Variants in SLC39A11 observed in about 807,000 individuals in gnomAD.
SLC39A11 encodes the protein zinc transporter ZIP11.
Under a neutral mutation model 36.1 loss-of-function variants are expected in SLC39A11, and 33 were observed. The observed-to-expected ratio is 0.91, with a 90% CI of 0.69 to 1.22. The LOEUF is 1.22. SLC39A11 is among the 50% of genes most tolerant of loss of function. The probability of loss-of-function intolerance (pLI) is 0.00; values close to 1 mark genes in which losing one functional copy is unlikely to be tolerated. For synonymous variants in SLC39A11, 166 were observed against 170.3 expected (o/e 0.97, Z 0.20); for missense variants, 432 against 430.3 (o/e 1.00, Z -0.03).
intron 6 of SLC39A11, among the ~76,000 whole-genome samples, chr17:72,843,123 T>A (rs2078893267): frequency 6.6e-6 from 1 of 152,072 alleles, no homozygotes; most frequent in African/African-American, 2.4e-5. Flanking sequence ...CTAATTTTTA[T>A]ATTTTTAGTA....
chr17:73,001,793 A>T (rs117627862), intron 4 of SLC39A11, among the ~76,000 whole-genome samples: 2,556 of 152,276 alleles, frequency 0.017, 31 homozygotes, highest in Non-Finnish European at 0.025. Flanking sequence ...ACAAGACCAG[A>T]CATACTACTC....
intron 7 of SLC39A11, among the ~76,000 whole-genome samples, chr17:72,699,004 T>A (rs1341544088): frequency 3.3e-5 from 5 of 151,924 alleles, no homozygotes; most frequent in African/African-American, 7.2e-5. Context: ...ATAATTTTTG[T>A]ATTTTTAGTA....
chr17:72,728,044 C>T (rs993169406), intron 7 of SLC39A11, among the ~76,000 whole-genome samples: 1 of 152,178 alleles, frequency 6.6e-6, no homozygotes, highest in African/African-American at 2.4e-5. Context: ...ACAGACAGGG[C>T]ACAAGCAAGA....
chr17:72,829,751 C>CATGGCACTCACACCCCTACCCAGTTA (rs2078193310), intron 6 of SLC39A11, among the ~76,000 whole-genome samples: 1 of 152,140 alleles, frequency 6.6e-6, no homozygotes. Flanking sequence ...CATGGGCCCC[C>CATGGCACTCACACCCCTACCCAGTTA]ATGGCACTCA....
At chr17:73,048,688 C>A (rs1568187174) in intron 3 of SLC39A11, among the ~76,000 whole-genome samples, 1 of 152,192 alleles carries the variant, frequency 6.6e-6, no homozygotes, top group East Asian at 1.9e-4. Context: ...TGAGGTGGAG[C>A]TTATCTCCTA....
At chr17:72,941,273 G>A (rs1242275509) in intron 5 of SLC39A11, among the ~76,000 whole-genome samples, 3 of 152,038 alleles carry the variant, frequency 2.0e-5, no homozygotes, top group Non-Finnish European at 1.5e-5. Context: ...ACTCTGTCTC[G>A]ATAAAAAGAC....
chr17:73,023,228 A>C (rs568747642), intron 4 of SLC39A11, among the ~76,000 whole-genome samples: 2 of 146,962 alleles, frequency 1.4e-5, no homozygotes. Context: ...ACAGTGCCTA[A>C]AAAAAAAAAA....
At chr17:72,676,070 T>TCACACACACACA (rs3222866) in intron 7 of SLC39A11, among the ~76,000 whole-genome samples, 21 of 129,924 alleles carry the variant, frequency 1.6e-4, no homozygotes, top group African/African-American at 5.8e-4. Context: ...TCACAATGTT[T>TCACACACACACA]CACACACACA....
intron 6 of SLC39A11, among the ~76,000 whole-genome samples, chr17:72,831,207 G>C (rs1310738918): frequency 6.6e-6 from 1 of 151,820 alleles, no homozygotes; most frequent in Non-Finnish European, 1.5e-5. Flanking sequence ...TGAGAATATA[G>C]AGAAGAGAAA....
At chr17:72,795,444 G>A (rs969320094) in intron 6 of SLC39A11, among the ~76,000 whole-genome samples, 1 of 152,134 alleles carries the variant, frequency 6.6e-6, no homozygotes, top group Non-Finnish European at 1.5e-5. Context: ...GAGAGAGAGT[G>A]CAAGAGAGCA....
At chr17:72,786,314 G>T (rs540467661) in intron 6 of SLC39A11, among the ~76,000 whole-genome samples, 1 of 152,156 alleles carries the variant, frequency 6.6e-6, no homozygotes, top group Non-Finnish European at 1.5e-5. Context: ...AGATATCTTC[G>T]ATGCTGGCAC....
chr17:73,042,188 G>A (rs1437420544), intron 3 of SLC39A11, among the ~76,000 whole-genome samples: 1 of 152,136 alleles, frequency 6.6e-6, no homozygotes. Context: ...CTTTATTATA[G>A]TAGTGACAGT....
chr17:72,709,229 C>T (rs1004308270), intron 7 of SLC39A11, among the ~76,000 whole-genome samples: 8 of 152,092 alleles, frequency 5.3e-5, no homozygotes, highest in South Asian at 2.1e-4. Flanking sequence ...TGAGCCACCG[C>T]GCCCGGCCAA....
Position 72,852,228 on chromosome 17 carries a change from A to AC in SLC39A11, c.431-2425dup, listed in dbSNP as rs1567824606. On this transcript the variant is annotated intron_variant, in intron 5 of 9. Transcript: ENST00000255559. ...TCAAAAAAAAAAAAAAAAAAAAAAA[A>AC]CAGAAAGAAAGAAAGAAAATCATTT... Among the ~76,000 whole-genome samples the AC allele has an allele frequency of 4.3e-3, 584 of 134,550 alleles. 2 individuals are homozygous for AC. The highest frequency in any genetic ancestry group is 7.1e-3 in the Non-Finnish European group (434 of 61,376). 88.3% of individuals were successfully genotyped at this position (134,550 alleles called of 152,430 possible).
rs139329408 is a variant in SLC39A11 at position 73,040,769 on chromosome 17, G to T, written c.148-9055C>A. ...GGAGGCTGAGGTGGGCAGATCACTTGAGGTCAAGAGTTTGAGACCAGCCTG... is the reference window on the plus strand; with the variant it reads ...GGAGGCTGAGGTGGGCAGATCACTTTAGGTCAAGAGTTTGAGACCAGCCTG... On this transcript the variant is annotated intron_variant, in intron 3 of 9. Coordinates refer to ENST00000255559, the MANE Select transcript of SLC39A11 (RefSeq NM_139177.4). Among the ~76,000 whole-genome samples the T allele has an allele frequency of 2.3e-3, 353 of 152,222 alleles. 1 individual carries two copies. The highest frequency in any genetic ancestry group is 8.1e-3 in the African/African-American group (338 of 41,542).
chr17:73,035,007 C>A (rs1278994250), intron 3 of SLC39A11, among the ~76,000 whole-genome samples: 2 of 152,190 alleles, frequency 1.3e-5, no homozygotes, highest in African/African-American at 4.8e-5. Context: ...GGATTTCCTT[C>A]ATTTCTTTTC....
At chr17:72,971,309 C>T (rs564421427) in intron 4 of SLC39A11, among the ~76,000 whole-genome samples, 37 of 148,798 alleles carry the variant, frequency 2.5e-4, no homozygotes, top group African/African-American at 9.6e-4. Context: ...ACCCCCTCCA[C>T]ACACACATAC....
intron 5 of SLC39A11, among the ~76,000 whole-genome samples, chr17:72,938,381 T>C (rs1318345941): frequency 1.1e-4 from 16 of 152,196 alleles, no homozygotes; most frequent in Admixed American, 1.0e-3. Flanking sequence ...AACCCTTTCC[T>C]TCTCGAAGGC....
chr17:72,712,424 C>T (rs1449966764), intron 7 of SLC39A11, among the ~76,000 whole-genome samples: 3 of 152,194 alleles, frequency 2.0e-5, no homozygotes, highest in African/African-American at 7.2e-5. Context: ...AAGGTCAACC[C>T]TCCCTTTATT....
Sources: gnomAD v4.1 joint callset for allele counts (sites outside exome capture counted in the v4.1 genomes callset) on GRCh38, gnomAD v4.1.1 for gene constraint, MANE v1.5 for transcripts, NCBI Gene and HGNC (gene_info 2026-07-23, HGNC 2026-07-21) for gene names.